The following SESN3 variants were observed in gnomAD, a reference collection of about 807,000 sequenced individuals.
The protein encoded by SESN3 is sestrin 3.
Under a neutral mutation model 55.3 loss-of-function variants are expected in SESN3, and 21 were observed. The ratio of observed to expected loss-of-function variants is 0.38; its 90% CI spans 0.27 to 0.55. The LOEUF (loss-of-function observed/expected upper bound fraction) is 0.55. Ranked by LOEUF, SESN3 falls within the 20% of genes least tolerant of loss-of-function variation. SESN3 has a pLI of 0.76. For missense variants in SESN3, 408 were observed against 604.3 expected, an observed-to-expected ratio of 0.68 and a Z score of 3.41; for synonymous variants, 181 against 203.1, an observed-to-expected ratio of 0.89 and a Z score of 0.93.
intron 1 of SESN3, among the ~76,000 whole-genome samples, chr11:95,206,351 T>C (rs2134249955): frequency 6.8e-6 from 1 of 147,240 alleles, no homozygotes. Context: ...CCTGGATTTA[T>C]GCCAGTCCTA....
chr11:95,215,698 C>T (rs1022862555), intron 1 of SESN3, among the ~76,000 whole-genome samples: 3 of 152,100 alleles, frequency 2.0e-5, no homozygotes, highest in Non-Finnish European at 4.4e-5. Context: ...GTGAATTTTT[C>T]CTAGAAATAA....
chr11:95,195,153 C>T (rs927498104), intron 1 of SESN3, among the ~76,000 whole-genome samples: 8 of 151,886 alleles, frequency 5.3e-5, no homozygotes, highest in Admixed American at 1.3e-4. Context: ...TATAAACTCA[C>T]GTTAAGATGG....
intron 6 of SESN3, among the ~76,000 whole-genome samples, chr11:95,179,767 T>C (rs1335347012): frequency 6.6e-6 from 1 of 152,102 alleles, no homozygotes; most frequent in African/African-American, 2.4e-5. Flanking sequence ...TGCACTTTTC[T>C]ATGCATATGA....
At chr11:95,191,695 T>C in intron 2 of SESN3, 94 bp from the exon 3 acceptor site, 1 of 862,272 alleles carries the variant, frequency 1.2e-6, no homozygotes, top group Non-Finnish European at 1.8e-6. Context: ...CAAATGAATA[T>C]TCATTTGATA....
chr11:95,170,896 C>G lies in SESN3; in HGVS notation c.*2359G>C, dbSNP rs1344899302. 1 of 152,142 alleles carries G rather than the reference C, an allele frequency of 6.6e-6. No homozygotes were observed. The highest frequency in any genetic ancestry group is 2.4e-5 in the African/African-American group (1 of 41,420). 9.4% of individuals were successfully genotyped at this position (152,142 alleles called of 1,614,324 possible). On this transcript the variant is annotated 3_prime_UTR_variant, in exon 10 of 10. Transcript: ENST00000536441. ...TGCAAGGAAAGAGATCTATTAAAGG[C>G]ACTAATATTTCCATAGCCTAAACTC...
In SESN3 at chr11:95,229,006, A is replaced by G. The variant is rs1198209057; in HGVS notation, c.78+1777T>C. 1.2e-4 allele frequency among the ~76,000 whole-genome samples: 18 copies of G among 152,318 alleles called. No individual in the cohort carries two copies. In the East Asian group the frequency reaches 3.5e-3, roughly 29 times the overall value. ...ATTTTGAAGCCTAATATTACCTCCA[A>G]ACATTTTATTAGCCTAACAAATTGC... On this transcript the variant is annotated intron_variant, in intron 1 of 9. Transcript: ENST00000536441.
Position 95,230,544 on chromosome 11 carries a change from C to T in SESN3, c.78+239G>A, listed in dbSNP as rs1231920562. 2.7e-5 allele frequency: 14 copies of T among 517,212 alleles called. No individual in the cohort carries two copies. Among genetic ancestry groups the T allele is most frequent in the South Asian group, 2.7e-4 (12 of 44,508 alleles). The allele number at this position is 517,212 out of a possible 1,614,324, so 32.0% of individuals were successfully genotyped here. On this transcript the variant is annotated intron_variant, in intron 1 of 9. Transcript: ENST00000536441. The surrounding 1 kb of genome is among the most constrained non-coding windows in gnomAD (Gnocchi z 4.6). ...GAGCAAAGGCACCAAATAAAAGGAA[C>T]AAGGGAAGAAAAAATATCCCAACCC...
chr11:95,200,158 A>C (rs1277633323), intron 1 of SESN3, among the ~76,000 whole-genome samples: 1 of 152,126 alleles, frequency 6.6e-6, no homozygotes, highest in Non-Finnish European at 1.5e-5. Flanking sequence ...CTGCAACAAC[A>C]ACAACGACAA....
In SESN3 at chr11:95,217,912, T is replaced by G. The variant is rs1368223502; in HGVS notation, c.78+12871A>C. ...CCCTATAAAAAGTATTCTGAATGAC[T>G]TGATTTTCCATTTTTAAATTACTGA... On this transcript the variant is annotated intron_variant, in intron 1 of 9. Transcript: ENST00000536441. 2.0e-5 allele frequency among the ~76,000 whole-genome samples: 3 copies of G among 152,204 alleles called. No homozygotes were observed. In the East Asian group the frequency reaches 5.8e-4, roughly 29 times the overall value.
At position 95,230,100 on chromosome 11, in the gene SESN3, G is replaced by C. The variant is rs1484994298; in HGVS notation, c.78+683C>G. 1 of 151,998 alleles carries C rather than the reference G, an allele frequency of 6.6e-6. No homozygotes were observed. The highest frequency in any genetic ancestry group is 1.5e-5 in the Non-Finnish European group (1 of 68,334). The allele number at this position is 151,998 out of a possible 1,614,324, so 9.4% of individuals were successfully genotyped here. ...TTTTTCTGGATCAACACGGGGGCAG[G>C]GGGGTGCTAAGGAGGAATAACCCAC... On this transcript the variant is annotated intron_variant, in intron 1 of 9. Coordinates refer to ENST00000536441, the MANE Select transcript of SESN3 (RefSeq NM_144665.4). The surrounding 1 kb of genome is among the most constrained non-coding windows in gnomAD (Gnocchi z 4.6).
intron 1 of SESN3, among the ~76,000 whole-genome samples, chr11:95,207,714 C>A (rs1445799846): frequency 6.6e-6 from 1 of 150,400 alleles, no homozygotes; most frequent in Non-Finnish European, 1.5e-5. Flanking sequence ...AGAAAAAGGT[C>A]TATTGTAGAT....
chr11:95,173,129 A>AAAC lies in SESN3; in HGVS notation c.*123_*125dup. The AAAC allele has an allele frequency of 3.7e-6, 2 of 546,530 alleles. No homozygotes were observed. The highest frequency in any genetic ancestry group is 7.3e-5 in the South Asian group (2 of 27,330). 33.9% of individuals were successfully genotyped at this position (546,530 alleles called of 1,614,324 possible). On this transcript the variant is annotated 3_prime_UTR_variant, in exon 10 of 10. Transcript: ENST00000536441. The stretch of plus-strand genomic sequence containing the variant: ...ACAGCCGCAAAAAACAAAAAAAAAA[A>AAAC]AACAAACGGCTAAACTTTGACACTA...
chr11:95,182,581 A>C (rs191441775), intron 6 of SESN3, among the ~76,000 whole-genome samples: 2 of 152,182 alleles, frequency 1.3e-5, no homozygotes, highest in African/African-American at 4.8e-5. Flanking sequence ...CAACTTCTGC[A>C]TCTCAACAAG....
chr11:95,188,819 T>C (rs1860214103), intron 4 of SESN3, among the ~76,000 whole-genome samples: 1 of 151,878 alleles, frequency 6.6e-6, no homozygotes, highest in Non-Finnish European at 1.5e-5. Context: ...GCAGGGTCTT[T>C]ATCTTTACCC....
intron 1 of SESN3, among the ~76,000 whole-genome samples, chr11:95,209,662 A>G (rs1297502707): frequency 1.3e-5 from 2 of 151,382 alleles, no homozygotes; most frequent in African/African-American, 4.9e-5. Context: ...ATGCCTATCA[A>G]TGATAGACTG....
At chr11:95,178,092 G>A (rs1859991911) in intron 7 of SESN3, among the ~76,000 whole-genome samples, 183 bp from the exon 8 acceptor site, 1 of 152,112 alleles carries the variant, frequency 6.6e-6, no homozygotes, top group African/African-American at 2.4e-5. Flanking sequence ...GTGTCTGGAT[G>A]TTTCTTCATG....
rs1859810181 is a variant in SESN3, at chr11:95,169,477, T to C, written c.*3778A>G. On this transcript the variant is annotated 3_prime_UTR_variant, in exon 10 of 10. Coordinates refer to ENST00000536441, the MANE Select transcript of SESN3 (RefSeq NM_144665.4). ...TCCATGTTAAGACCATCTCTTTGCA[T>C]AAAAGCAGTTCTATTAAAGAGAAGA... 6.6e-6 allele frequency: 1 copy of C among 152,246 alleles called. No homozygotes were observed. The highest frequency in any genetic ancestry group is 1.5e-5 in the Non-Finnish European group (1 of 68,034). 9.4% of individuals were successfully genotyped at this position (152,246 alleles called of 1,614,324 possible). A position where few individuals can be genotyped will look rare whatever the true frequency, so the allele number is the denominator to read the frequency against.
chr11:95,209,362 A>ATGAT (rs1169206355), intron 1 of SESN3, among the ~76,000 whole-genome samples: 1 of 151,154 alleles, frequency 6.6e-6, no homozygotes, highest in Non-Finnish European at 1.5e-5. Context: ...TCAAAAACAC[A>ATGAT]TGATTAAATC....
At chr11:95,198,729 ACT>A (rs1860409148) in intron 1 of SESN3, among the ~76,000 whole-genome samples, 2 of 152,228 alleles carry the variant, frequency 1.3e-5, no homozygotes, top group Admixed American at 1.3e-4. Context: ...GTTCAATTGT[ACT>A]AGCCACATGT....
Sources: gnomAD v4.1 joint callset for allele counts (sites outside exome capture counted in the v4.1 genomes callset) on GRCh38, gnomAD v4.1.1 for gene constraint, Gnocchi (gnomAD v3.1) non-coding constraint, MANE v1.5 for transcripts, NCBI Gene and HGNC (gene_info 2026-07-23, HGNC 2026-07-21) for gene names.